The following DMD variants were observed in gnomAD, a reference collection of about 807,000 sequenced individuals.
DMD encodes the protein dystrophin.
A neutral mutation model predicts 330.1 loss-of-function variants in DMD; 63 were observed. The ratio of observed to expected loss-of-function variants is 0.19; its 90% CI spans 0.16 to 0.24. DMD has a LOEUF of 0.24. Among genes scored for constraint, DMD ranks in the 10% least tolerant of loss-of-function variants. The probability of loss-of-function intolerance (pLI) is 1.00; values close to 1 mark genes in which losing one functional copy is unlikely to be tolerated. For synonymous variants in DMD, 1,223 were observed against 959.8 expected (o/e 1.27, Z -5.07); for missense variants, 3,344 against 2,684.1 (o/e 1.25, Z -5.43).
intron 50 of DMD, among the ~76,000 whole-genome samples, chrX:31,815,457 A>AAAAAAAAAAAG (rs1391738015): frequency 3.6e-5 from 4 of 110,137 alleles, no homozygotes; most frequent in Non-Finnish European, 7.6e-5. Flanking sequence ...CTCAAAAAAA[A>AAAAAAAAAAAG]AGAGAGAGAG....
At chrX:32,630,351 T>C (rs2058649211) in intron 11 of DMD, among the ~76,000 whole-genome samples, 1 of 111,090 alleles carries the variant, frequency 9.0e-6, no homozygotes. Flanking sequence ...TTACCGCTTT[T>C]AAGATCTTTT....
At chrX:33,229,826 G>A (rs750398269) in intron 1 of DMD, among the ~76,000 whole-genome samples, 3 of 112,078 alleles carry the variant, frequency 2.7e-5, no homozygotes, top group East Asian at 2.8e-4. Flanking sequence ...AGTAGAAATG[G>A]CATTAAAACT....
At chrX:32,741,198 C>G (rs2069217054) in intron 7 of DMD, among the ~76,000 whole-genome samples, 1 of 111,103 alleles carries the variant, frequency 9.0e-6, no homozygotes, top group Admixed American at 9.6e-5. Context: ...ACGGATATTG[C>G]CACTAAATGT....
At chrX:32,429,209 CTTTTT>C (rs781555625) in intron 29 of DMD, among the ~76,000 whole-genome samples, 1 of 75,952 alleles carries the variant, frequency 1.3e-5, no homozygotes, top group Non-Finnish European at 2.5e-5. Flanking sequence ...CTTTTCTTTC[CTTTTT>C]TTTTTTTTTT....
chrX:32,164,761 G>A (rs2096861843), intron 44 of DMD, among the ~76,000 whole-genome samples: 1 of 106,148 alleles, frequency 9.4e-6, no homozygotes, highest in Non-Finnish European at 1.9e-5. Flanking sequence ...AGACCCAGAG[G>A]TCTAGGAGGC....
At chrX:33,109,057 A>G (rs777809186) in intron 1 of DMD, among the ~76,000 whole-genome samples, 2 of 109,447 alleles carry the variant, frequency 1.8e-5, no homozygotes, top group East Asian at 2.9e-4. Flanking sequence ...GTTTGACCAC[A>G]TTTTAATGTG....
chrX:31,589,967 T>C (rs374406305), intron 55 of DMD, among the ~76,000 whole-genome samples: 50 of 111,610 alleles, frequency 4.5e-4, no homozygotes, highest in African/African-American at 1.5e-3. Context: ...TTTGTAAAAG[T>C]ATCAAGCCAT....
chrX:31,185,958 T>C (rs1324015243), intron 67 of DMD, among the ~76,000 whole-genome samples: 2 of 111,907 alleles, frequency 1.8e-5, no homozygotes, highest in Non-Finnish European at 3.8e-5. Flanking sequence ...GAATACTTAG[T>C]ATCACACAAG....
At chrX:32,401,850 C>A (rs931776357) in intron 30 of DMD, among the ~76,000 whole-genome samples, 1 of 112,284 alleles carries the variant, frequency 8.9e-6, no homozygotes, top group African/African-American at 3.2e-5. Context: ...TACGTGCCTA[C>A]AAACATTGAA....
intron 54 of DMD, among the ~76,000 whole-genome samples, chrX:31,650,601 G>A (rs367549712): frequency 5.4e-5 from 6 of 111,580 alleles, no homozygotes; most frequent in Admixed American, 1.9e-4. Context: ...GCCAAGGGAC[G>A]GTATTTGTAG....
chrX:31,251,009 G>A (rs999597458), intron 63 of DMD, among the ~76,000 whole-genome samples: 9 of 109,208 alleles, frequency 8.2e-5, no homozygotes, highest in South Asian at 8.1e-4. Context: ...TTGAACCCGG[G>A]AGGCAGAGTT....
chrX:32,398,059 A>AT (rs1262715563), intron 30 of DMD, among the ~76,000 whole-genome samples: 2 of 111,237 alleles, frequency 1.8e-5, no homozygotes, highest in African/African-American at 6.5e-5. Context: ...AAATGGCCAC[A>AT]TATCACACGT....
chrX:32,204,908 C>A (rs996638205), intron 44 of DMD, among the ~76,000 whole-genome samples: 16 of 105,822 alleles, frequency 1.5e-4, no homozygotes, highest in African/African-American at 5.6e-4. Flanking sequence ...TCACACCTAC[C>A]AGGCCCTGCC....
intron 61 of DMD, among the ~76,000 whole-genome samples, chrX:31,337,844 T>C (rs1006316484): frequency 8.9e-6 from 1 of 112,002 alleles, no homozygotes; most frequent in Non-Finnish European, 1.9e-5. Context: ...ATCTCTTCCA[T>C]GCCACCGGGC....
intron 2 of DMD, among the ~76,000 whole-genome samples, chrX:32,943,777 GCATA>G (rs1310645918): frequency 2.7e-5 from 3 of 112,101 alleles, no homozygotes; most frequent in African/African-American, 9.7e-5. Context: ...TCTGTCAGAA[GCATA>G]CAAAGTATAC....
intron 44 of DMD, among the ~76,000 whole-genome samples, chrX:32,050,260 G>C (rs1244218000): frequency 1.8e-5 from 2 of 110,731 alleles, no homozygotes; most frequent in African/African-American, 6.6e-5. Context: ...ATATCAAATA[G>C]TATAGGGGTC....
At chrX:32,437,465 C>A (rs1053521521) in intron 29 of DMD, among the ~76,000 whole-genome samples, 1 of 89,017 alleles carries the variant, frequency 1.1e-5, no homozygotes, top group African/African-American at 6.5e-5. Flanking sequence ...TAGTTACTAC[C>A]CCCCCTTATT....
intron 1 of DMD, among the ~76,000 whole-genome samples, chrX:33,034,648 A>G (rs1345635663): frequency 8.9e-6 from 1 of 112,031 alleles, no homozygotes. Flanking sequence ...AAACTCTATC[A>G]TCTGCTTCTT....
At chrX:31,251,330 A>T (rs1436698655) in intron 63 of DMD, among the ~76,000 whole-genome samples, 2 of 110,967 alleles carry the variant, frequency 1.8e-5, no homozygotes, top group Non-Finnish European at 3.8e-5. Context: ...CCAAGAAAGT[A>T]AAATATAAAA....
Sources: gnomAD v4.1 joint callset for allele counts (sites outside exome capture counted in the v4.1 genomes callset) on GRCh38, gnomAD v4.1.1 for gene constraint, MANE v1.5 for transcripts, NCBI Gene and HGNC (gene_info 2026-07-23, HGNC 2026-07-21) for gene names.